The following LHFPL3 variants were observed in gnomAD, a reference collection of about 807,000 sequenced individuals.
The protein encoded by LHFPL3 is LHFPL tetraspan subfamily member 3 protein.
A neutral mutation model predicts 19.3 loss-of-function variants in LHFPL3; 5 were observed. That is an observed-to-expected ratio of 0.26 (90% CI 0.14 to 0.54). LHFPL3 has a LOEUF of 0.54. Ranked by LOEUF, LHFPL3 falls within the 20% of genes least tolerant of loss-of-function variation. The pLI is 0.94. For missense variants in LHFPL3, 249 were observed against 307.4 expected, an observed-to-expected ratio of 0.81 and a Z score of 1.42; for synonymous variants, 133 against 126.2, an observed-to-expected ratio of 1.05 and a Z score of -0.36.
At chr7:104,616,892 T>C (rs1486582747) in intron 1 of LHFPL3, among the ~76,000 whole-genome samples, 1 of 151,714 alleles carries the variant, frequency 6.6e-6, no homozygotes, top group African/African-American at 2.4e-5. Context: ...AACAAACATA[T>C]GAAAAAAAAG....
At chr7:104,708,086 G>A (rs995968810) in intron 1 of LHFPL3, among the ~76,000 whole-genome samples, 2 of 152,174 alleles carry the variant, frequency 1.3e-5, no homozygotes, top group Non-Finnish European at 2.9e-5. Flanking sequence ...GCTTTCAAAG[G>A]CCAGCTTGTA....
intron 1 of LHFPL3, among the ~76,000 whole-genome samples, chr7:104,332,942 G>T (rs2157914): frequency 0.38 from 34,466 of 89,714 alleles, 5,250 homozygotes; most frequent in East Asian, 0.62. Context: ...AATTTCTTCA[G>T]AAGGAAAAAA....
intron 1 of LHFPL3, among the ~76,000 whole-genome samples, chr7:104,394,014 T>G (rs1425274588): frequency 6.6e-6 from 1 of 152,180 alleles, no homozygotes; most frequent in Non-Finnish European, 1.5e-5. Flanking sequence ...GTTCTAAAAT[T>G]ATATAGTAGC....
intron 1 of LHFPL3, among the ~76,000 whole-genome samples, chr7:104,434,458 G>A (rs550044950): frequency 1.3e-5 from 2 of 152,274 alleles, no homozygotes; most frequent in South Asian, 2.1e-4. Context: ...GGGGGTCTAG[G>A]ATACAGAAAA....
In LHFPL3 at chr7:104,605,579, C is replaced by A. The variant is rs569556938; in HGVS notation, c.446-131096C>A. Among the ~76,000 whole-genome samples, 153 of 152,306 alleles carry A rather than the reference C, an allele frequency of 1.0e-3. 1 individual carries two copies. Among genetic ancestry groups the A allele is most frequent in the African/African-American group, 3.4e-3 (143 of 41,568 alleles). ...ACACATCCATGTGCACACATACACA[C>A]TCAGACACACACATTCCAACGGGTA... On this transcript the variant is annotated intron_variant, in intron 1 of 2. Transcript: ENST00000424859.
rs538230411 is a variant in LHFPL3 at position 104,455,846 on chromosome 7, AAGTC to A, written c.445+126625_445+126628del. Among the ~76,000 whole-genome samples the A allele has an allele frequency of 1.7e-3, 254 of 152,332 alleles. 1 individual carries two copies. Among genetic ancestry groups the A allele is most frequent in the African/African-American group, 5.7e-3 (238 of 41,590 alleles). On this transcript the variant is annotated intron_variant, in intron 1 of 2. Transcript: ENST00000424859. ...ACTATTTGTAAGAAAAATATTCAAA[AAGTC>A]AGAGCAATCTCTATTTTCATAAACC... is the stretch of plus-strand genomic sequence containing the variant.
intron 2 of LHFPL3, among the ~76,000 whole-genome samples, chr7:104,850,101 G>A (rs932593775): frequency 2.6e-5 from 4 of 152,138 alleles, no homozygotes; most frequent in Admixed American, 6.5e-5. Context: ...TTGGGAGTTC[G>A]TGACCAGCCT....
At chr7:104,747,587 A>C (rs926254512) in intron 2 of LHFPL3, among the ~76,000 whole-genome samples, 2 of 152,238 alleles carry the variant, frequency 1.3e-5, no homozygotes, top group Non-Finnish European at 2.9e-5. Flanking sequence ...AGCAAATATA[A>C]GTAATACAAT....
intron 1 of LHFPL3, among the ~76,000 whole-genome samples, chr7:104,534,896 A>G (rs572232716): frequency 5.9e-5 from 9 of 152,214 alleles, no homozygotes; most frequent in Non-Finnish European, 1.2e-4. Context: ...TTGAATAACT[A>G]GATAACGAGC....
intron 1 of LHFPL3, among the ~76,000 whole-genome samples, chr7:104,483,827 T>C (rs1362214243): frequency 6.6e-6 from 1 of 152,194 alleles, no homozygotes; most frequent in East Asian, 1.9e-4. Context: ...AGTCTCACTA[T>C]GTTACTCAGG....
intron 1 of LHFPL3, among the ~76,000 whole-genome samples, chr7:104,435,759 G>C (rs1792092435): frequency 6.6e-6 from 1 of 151,566 alleles, no homozygotes. Flanking sequence ...CTGTCTAAGT[G>C]TACATTTCCC....
In LHFPL3 at chr7:104,356,548, G is replaced by A. The variant is rs1790279615; in HGVS notation, c.445+27324G>A. 3.0e-4 allele frequency among the ~76,000 whole-genome samples: 45 copies of A among 152,136 alleles called. 1 individual carries two copies. The highest frequency in any genetic ancestry group is 2.9e-3 in the Admixed American group (45 of 15,274). ...TTACCTTTAATGCATCTTGGAACAG[G>A]TGGAGTAGGTGGAGGTTGGAGAGCA... On this transcript the variant is annotated intron_variant, in intron 1 of 2. Coordinates refer to ENST00000424859, the MANE Select transcript of LHFPL3 (RefSeq NM_199000.3).
chr7:104,481,260 C>T (rs888557188), intron 1 of LHFPL3, among the ~76,000 whole-genome samples: 1 of 152,148 alleles, frequency 6.6e-6, no homozygotes, highest in African/African-American at 2.4e-5. Context: ...GTCTCACTCC[C>T]GAAAACCCAT....
chr7:104,906,183 G>A lies in LHFPL3; in HGVS notation c.683-4G>A. On this transcript the variant is annotated splice_polypyrimidine_tract_variant and splice_region_variant and intron_variant, in intron 2 of 2. Transcript: ENST00000424859. ...TTTCTCTCTCTTCCCTCCAATTTCT[G>A]CAGTTCTGCTAAGCCAATATTCTCT... The A allele has an allele frequency of 6.2e-7, 1 of 1,609,672 alleles. No individual in the cohort carries two copies. The highest frequency in any genetic ancestry group is 2.2e-5 in the East Asian group (1 of 44,820).
At chr7:104,480,510 G>T (rs753005668) in intron 1 of LHFPL3, among the ~76,000 whole-genome samples, 9 of 152,278 alleles carry the variant, frequency 5.9e-5, no homozygotes, top group Non-Finnish European at 8.8e-5. Flanking sequence ...AATTGGTGTG[G>T]AATATTCTCA....
intron 1 of LHFPL3, among the ~76,000 whole-genome samples, chr7:104,694,440 A>G (rs1272352835): frequency 6.6e-6 from 1 of 152,260 alleles, no homozygotes; most frequent in Non-Finnish European, 1.5e-5. Context: ...AAAAAAGACC[A>G]ATTACTGAAA....
intron 2 of LHFPL3, among the ~76,000 whole-genome samples, chr7:104,892,763 C>T (rs1455260602): frequency 6.9e-6 from 1 of 145,492 alleles, no homozygotes; most frequent in African/African-American, 2.5e-5. Context: ...GCTCAACTAA[C>T]ATTATGGGGT....
intron 1 of LHFPL3, among the ~76,000 whole-genome samples, chr7:104,452,169 T>C (rs1300280658): frequency 6.6e-6 from 1 of 152,144 alleles, no homozygotes; most frequent in Non-Finnish European, 1.5e-5. Flanking sequence ...CTCTGTATAG[T>C]ATGCACAGGT....
chr7:104,366,789 A>G (rs1247659011), intron 1 of LHFPL3, among the ~76,000 whole-genome samples: 6 of 152,246 alleles, frequency 3.9e-5, no homozygotes, highest in Non-Finnish European at 2.9e-5. Flanking sequence ...CTAGGGATTC[A>G]GTAAATACAA....
Sources: gnomAD v4.1 joint callset for allele counts (sites outside exome capture counted in the v4.1 genomes callset) on GRCh38, gnomAD v4.1.1 for gene constraint, MANE v1.5 for transcripts, NCBI Gene and HGNC (gene_info 2026-07-23, HGNC 2026-07-21) for gene names.